Variants in CGN observed in about 807,000 individuals in gnomAD.
The protein encoded by CGN is cingulin.
Under a neutral mutation model 157.1 loss-of-function variants are expected in CGN, and 121 were observed. The observed-to-expected ratio is 0.77, with a 90% CI of 0.66 to 0.90. CGN has a LOEUF of 0.90. Among genes scored for constraint, CGN ranks in the 40% least tolerant of loss-of-function variants. CGN has a pLI of 0.00. For synonymous variants in CGN, 535 were observed against 607.5 expected (o/e 0.88, Z 1.76); for missense variants, 1,424 against 1,520.9 (o/e 0.94, Z 1.06).
Position 151,533,087 on chromosome 1 carries a change from A to G in CGN, c.2742+515A>G, listed in dbSNP as rs114606613. On this transcript the variant is annotated intron_variant, in intron 14 of 20. Transcript: ENST00000271636. ...TTAAAAATCCCCACACCCAGGCTGT[A>G]TCCCATACCACTTCAGTCATCATCT... Among the ~76,000 whole-genome samples, 860 of 152,324 alleles carry G rather than the reference A, an allele frequency of 5.6e-3. 8 individuals carry two copies. The highest frequency in any genetic ancestry group is 0.019 in the African/African-American group (810 of 41,572).
chr1:151,528,138 T>C (rs780341484), intron 10 of CGN, among the ~76,000 whole-genome samples: 96 of 150,446 alleles, frequency 6.4e-4, no homozygotes, highest in Non-Finnish European at 5.9e-4. Flanking sequence ...TTTGTATTTT[T>C]ACAAAAAAAA....
chr1:151,516,483 G>A (rs564850233), intron 1 of CGN, among the ~76,000 whole-genome samples: 1 of 151,692 alleles, frequency 6.6e-6, no homozygotes, highest in Non-Finnish European at 1.5e-5. Flanking sequence ...TATGGATGGT[G>A]TTGGCTCTGG....
At chr1:151,510,812 A>C (rs1664264068), upstream of CGN, 2 of 152,238 alleles carry the variant, frequency 1.3e-5, no homozygotes, top group South Asian at 4.1e-4. Context: ...GATAAATATT[A>C]CATAGAAAAA....
chr1:151,518,545 AGCCCCGG>A lies in CGN; in HGVS notation c.28_34del (p.Pro10AlafsTer3). 6.2e-7 allele frequency: 1 copy of A among 1,609,498 alleles called. No homozygotes were observed. Among genetic ancestry groups the A allele is most frequent in the Non-Finnish European group, 8.5e-7 (1 of 1,176,284 alleles). On this transcript the variant is annotated frameshift_variant, in exon 2 of 21. Coordinates refer to ENST00000271636, the MANE Select transcript of CGN (RefSeq NM_020770.3). LOFTEE classifies it high-confidence loss of function. ...ATGGAGCAGGCACCCAACATGGCTG[AGCCCCGG>A]GGCCCCGTAGACCATGGAGTCCAGA...
In CGN at chr1:151,523,565, AGTGCAGCTGGTG is replaced by A; in HGVS notation, c.1268+6_1268+17del. The A allele has an allele frequency of 6.2e-7, 1 of 1,601,652 alleles. No individual in the cohort carries two copies. On this transcript the variant is annotated splice_donor_5th_base_variant and intron_variant, in intron 6 of 20. Transcript: ENST00000271636. ...AGGCCCAGCAGAGCAACAAGGAGTG[AGTGCAGCTGGTG>A]GCGCACCTCGGGCTGCTTGGGGGCC... is the stretch of plus-strand genomic sequence containing the variant.
At chr1:151,514,999 C>T (rs1343220263) in intron 1 of CGN, among the ~76,000 whole-genome samples, 1 of 151,068 alleles carries the variant, frequency 6.6e-6, no homozygotes, top group Non-Finnish European at 1.5e-5. Flanking sequence ...AACCCAAGTT[C>T]AATAAAGTAC....
chr1:151,518,828 C>T lies in CGN; in HGVS notation c.309C>T (p.Asn103=), dbSNP rs753956199. 6.2e-7 allele frequency: 1 copy of T among 1,614,038 alleles called. No homozygotes were observed. The highest frequency in any genetic ancestry group is 8.5e-7 in the Non-Finnish European group (1 of 1,179,922). Residue 103 remains asparagine (N), a synonymous_variant, in exon 2 of 21, where the codon AAC becomes AAT. Transcript: ENST00000271636. ...GCTCAGATTTGGAACTCCCTGAGAA[C>T]CCCTACTCTCAGGTCAAGGGATTTC... ...ALSSDLELPE[N]PYSQVKGFPA...
chr1:151,528,382 C>T (rs1664749059), intron 10 of CGN, among the ~76,000 whole-genome samples: 1 of 150,270 alleles, frequency 6.7e-6, no homozygotes, highest in African/African-American at 2.5e-5. Flanking sequence ...TTATATTTTA[C>T]ATGCTATAAA....
intron 5 of CGN, among the ~76,000 whole-genome samples, chr1:151,521,274 G>A (rs1337156950): frequency 6.6e-6 from 1 of 152,102 alleles, no homozygotes; most frequent in Non-Finnish European, 1.5e-5. Context: ...TCATCATATT[G>A]GTTTGTGTGT....
At chr1:151,532,615 T>C (rs1369552862) in intron 14 of CGN, 43 bp downstream of exon 14, 1 of 767,848 alleles carries the variant, frequency 1.3e-6, no homozygotes, top group Non-Finnish European at 1.7e-6. Flanking sequence ...CTTGCCTCTT[T>C]TTTTTTTTTT....
chr1:151,517,851 A>T (rs1427175684), intron 1 of CGN, among the ~76,000 whole-genome samples: 1 of 127,552 alleles, frequency 7.8e-6, no homozygotes, highest in East Asian at 3.9e-4. Context: ...ATCAAGTAAA[A>T]TCTTTTTTTT....
chr1:151,524,034 G>A lies in CGN; in HGVS notation c.1269-192G>A, dbSNP rs140720118. 2.9e-3 allele frequency among the ~76,000 whole-genome samples: 447 copies of A among 152,268 alleles called. No homozygotes were observed. Among genetic ancestry groups the A allele is most frequent in the Middle Eastern group, 6.8e-3 (2 of 294 alleles). On this transcript the variant is annotated intron_variant, in intron 6 of 20. Transcript: ENST00000271636. The surrounding 1 kb of genome is among the most constrained non-coding windows in gnomAD (Gnocchi z 4.4). ...AAGTAAATTTGTAACACACGAGAAG[G>A]CAGTAAATACAACAGGGTAAGGCAG...
chr1:151,523,723 C>T (rs1664597595), intron 6 of CGN, among the ~76,000 whole-genome samples, 162 bp downstream of exon 6: 1 of 152,184 alleles, frequency 6.6e-6, no homozygotes, highest in African/African-American at 2.4e-5. Flanking sequence ...TTCTCTCTAC[C>T]TTCTTTATCA....
At chr1:151,529,235 A>T in intron 10 of CGN, 115 bp from the exon 11 acceptor site, 1 of 796,580 alleles carries the variant, frequency 1.3e-6, no homozygotes, top group Non-Finnish European at 2.0e-6. Flanking sequence ...CTACTTTCCA[A>T]AGTGGCCACA....
chr1:151,525,706 A>G lies in CGN; in HGVS notation c.1679A>G (p.Glu560Gly). Residue 560 changes from glutamate to glycine, a missense_variant, in exon 9 of 21, where the codon GAG (glutamate) becomes GGG (glycine). Physicochemically the swap from Glu to Gly is moderately conservative, Grantham distance 98 (BLOSUM62 -2). Transcript: ENST00000271636. ...GCCCTTGTGCGAGGGCTGCAGAGGG[A>G]GCTGGAGGAGACTTCAGAGGAGACA... ...MSALVRGLQR[E>G]LEETSEETGH... The G allele has an allele frequency of 1.2e-6, 2 of 1,612,396 alleles. No individual in the cohort carries two copies. The highest frequency in any genetic ancestry group is 1.7e-6 in the Non-Finnish European group (2 of 1,179,198).
At chr1:151,531,958 C>G (rs1025649636) in intron 13 of CGN, among the ~76,000 whole-genome samples, 9 of 151,328 alleles carry the variant, frequency 5.9e-5, no homozygotes, top group Admixed American at 1.3e-4. Context: ...TGTCTTATAC[C>G]TTATGGTATG....
intron 14 of CGN, among the ~76,000 whole-genome samples, 174 bp from the exon 15 acceptor site, chr1:151,533,800 GA>G (rs375623463): frequency 6.7e-6 from 1 of 150,318 alleles, no homozygotes; most frequent in Non-Finnish European, 1.5e-5. Flanking sequence ...TCTAAAAAAT[GA>G]AAAAAAAAGA....
chr1:151,525,194 T>TA (rs1664643958), intron 8 of CGN, among the ~76,000 whole-genome samples: 1 of 152,008 alleles, frequency 6.6e-6, no homozygotes, highest in South Asian at 2.1e-4. Flanking sequence ...CTCAGGAAGT[T>TA]AGAGACCAGC....
At chr1:151,530,446 G>C (rs867348604) in intron 12 of CGN, 43 bp from the exon 13 acceptor site, 2 of 1,511,976 alleles carry the variant, frequency 1.3e-6, no homozygotes, top group Middle Eastern at 1.8e-4. Flanking sequence ...TTGAACCCAA[G>C]TTTTACCTTT....
Sources: allele counts gnomAD v4.1 joint callset (sites outside exome capture counted in the v4.1 genomes callset), GRCh38; gene constraint gnomAD v4.1.1; non-coding constraint Gnocchi (gnomAD v3.1); transcripts MANE v1.5; gene names NCBI Gene and HGNC (gene_info 2026-07-23, HGNC 2026-07-21).